Variants in SCYL2 observed in about 807,000 individuals in gnomAD.
The protein encoded by SCYL2 is SCY1-like protein 2.
In SCYL2, 36 loss-of-function variants were observed where a neutral mutation model predicts 100.4. That is an observed-to-expected ratio of 0.36 (90% CI 0.27 to 0.47). The LOEUF (loss-of-function observed/expected upper bound fraction) is 0.47. SCYL2 is among the 20% of genes least tolerant of loss of function. SCYL2 has a pLI of 1.00. For synonymous variants in SCYL2, 330 were observed against 359.2 expected, an observed-to-expected ratio of 0.92 and a Z score of 0.92; for missense variants, 902 against 1,083.9, an observed-to-expected ratio of 0.83 and a Z score of 2.36.
chr12:100,267,290 A>G lies in SCYL2; in HGVS notation c.-531A>G. 1.9e-6 allele frequency: 1 copy of G among 537,682 alleles called. No individual in the cohort carries two copies. Among genetic ancestry groups the G allele is most frequent in the Non-Finnish European group, 3.3e-6 (1 of 306,736 alleles). The allele number at this position is 537,682 out of a possible 1,614,324, so 33.3% of individuals were successfully genotyped here. A position where few individuals can be genotyped will look rare whatever the true frequency, so the allele number is the denominator to read the frequency against. On this transcript the variant is annotated 5_prime_UTR_variant, in exon 1 of 18. Coordinates refer to ENST00000360820, the MANE Select transcript of SCYL2 (RefSeq NM_017988.6). The stretch of plus-strand genomic sequence containing the variant: ...GCGGCGGAGGATATGGAGTAAAGCC[A>G]GAGTCAGTGGCCAGGCACGAAGGCA...
intron 11 of SCYL2, 190 bp downstream of exon 11, chr12:100,323,828 A>G (rs1450562123): frequency 2.7e-6 from 1 of 369,950 alleles, no homozygotes; most frequent in Non-Finnish European, 4.8e-6. Context: ...TGCATTCCTA[A>G]CCTTACTTGC....
intron 1 of SCYL2, among the ~76,000 whole-genome samples, chr12:100,278,353 C>A (rs1254641270): frequency 6.6e-6 from 1 of 152,014 alleles, no homozygotes; most frequent in Non-Finnish European, 1.5e-5. Context: ...TCAGATGACA[C>A]CATACCTGGA....
intron 1 of SCYL2, among the ~76,000 whole-genome samples, chr12:100,280,790 A>C (rs1394047050): frequency 6.6e-6 from 1 of 152,082 alleles, no homozygotes; most frequent in Non-Finnish European, 1.5e-5. Flanking sequence ...TAATGTAAGC[A>C]TCCAACATCT....
At chr12:100,271,402 A>T (rs2096287559) in intron 1 of SCYL2, among the ~76,000 whole-genome samples, 1 of 152,088 alleles carries the variant, frequency 6.6e-6, no homozygotes, top group African/African-American at 2.4e-5. Context: ...ACCGTATTTC[A>T]TGTCTTCTGA....
chr12:100,270,566 G>A (rs950502379), intron 1 of SCYL2, among the ~76,000 whole-genome samples: 1 of 147,016 alleles, frequency 6.8e-6, no homozygotes, highest in Non-Finnish European at 1.5e-5. Flanking sequence ...CTTACTTATT[G>A]TTTAAATTAC....
Position 100,295,909 on chromosome 12 carries a change from G to A in SCYL2, c.336-2122G>A, listed in dbSNP as rs376020240. On this transcript the variant is annotated intron_variant, in intron 3 of 17. Transcript: ENST00000360820. ...TAGGCTGGGCTGTGAGCTCCATGGA[G>A]CAGATGCCGGGCCATCCTGCCCTGG... 2.0e-4 allele frequency among the ~76,000 whole-genome samples: 31 copies of A among 152,314 alleles called. No homozygotes were observed. In the East Asian group the frequency reaches 5.2e-3, roughly 26 times the overall value.
At chr12:100,330,362 C>T (rs1032075647) in intron 13 of SCYL2, among the ~76,000 whole-genome samples, 27 of 152,286 alleles carry the variant, frequency 1.8e-4, no homozygotes, top group African/African-American at 3.8e-4. Context: ...ATACCTCTAT[C>T]GCTGTTTGTC....
chr12:100,323,235 T>C (rs1211169809), intron 10 of SCYL2, among the ~76,000 whole-genome samples: 1 of 152,174 alleles, frequency 6.6e-6, no homozygotes, highest in African/African-American at 2.4e-5. Flanking sequence ...ACTTGTGTTA[T>C]CAAAGAAAGA....
intron 3 of SCYL2, among the ~76,000 whole-genome samples, chr12:100,295,189 A>C (rs1190201204): frequency 9.8e-4 from 134 of 136,496 alleles, no homozygotes; most frequent in Non-Finnish European, 1.7e-3. Flanking sequence ...TGGCGGCCGG[A>C]CGGAGACGCT....
chr12:100,315,691 T>G lies in SCYL2; in HGVS notation c.1229T>G (p.Leu410Arg), dbSNP rs1245678082. 1.9e-5 allele frequency: 31 copies of G among 1,611,736 alleles called. No individual in the cohort carries two copies. Among genetic ancestry groups the G allele is most frequent in the Non-Finnish European group, 1.6e-5 (19 of 1,178,832 alleles). ...CTKEEYVKLI[L>R]PELGPVFKQQ... Reference sequence around the variant, plus strand: ...AAAGAAGAATATGTCAAATTAATTCTTCCTGAACTTGGCCCTGTGTTTAAG... The same window carrying G: ...AAAGAAGAATATGTCAAATTAATTCGTCCTGAACTTGGCCCTGTGTTTAAG... Residue 410 changes from leucine to arginine, a missense_variant, in exon 9 of 18, where the codon CTT becomes CGT. By Grantham distance (102) the Leu-to-Arg change is moderately radical. Transcript: ENST00000360820.
Position 100,325,654 on chromosome 12 carries a change from TA to T in SCYL2, c.1510-964del, listed in dbSNP as rs576239385. 2.8e-3 allele frequency among the ~76,000 whole-genome samples: 424 copies of T among 152,280 alleles called. 2 individuals carry two copies. The highest frequency in any genetic ancestry group is 3.4e-3 in the Non-Finnish European group (233 of 68,012). Reference sequence around the variant, plus strand: ...TTTAAAAATTCTACACAGAGTTAGGTAAAATCCTCCAAGAGCTATATTTATT... The same window carrying T: ...TTTAAAAATTCTACACAGAGTTAGGTAAATCCTCCAAGAGCTATATTTATT... On this transcript the variant is annotated intron_variant, in intron 11 of 17. Coordinates refer to ENST00000360820, the MANE Select transcript of SCYL2 (RefSeq NM_017988.6).
At chr12:100,310,094 G>A (rs1211359720) in intron 4 of SCYL2, among the ~76,000 whole-genome samples, 1 of 151,992 alleles carries the variant, frequency 6.6e-6, no homozygotes, top group African/African-American at 2.4e-5. Context: ...CACTTCCCAG[G>A]TTCAAGTGAT....
intron 1 of SCYL2, among the ~76,000 whole-genome samples, chr12:100,274,722 C>T (rs905233186): frequency 6.6e-6 from 1 of 152,082 alleles, no homozygotes; most frequent in Non-Finnish European, 1.5e-5. Context: ...AAATTGTGAA[C>T]AAAGAAGTGG....
Position 100,337,498 on chromosome 12 carries a change from G to A in SCYL2, c.2137G>A (p.Val713Ile). Residue 713 changes from valine (V) to isoleucine (I), a missense_variant, in exon 17 of 18, where the codon GTT (valine) becomes ATT (isoleucine). Coordinates refer to ENST00000360820, the MANE Select transcript of SCYL2 (RefSeq NM_017988.6). Reference protein sequence around the residue: ...KPQVHTPVATVKQTKDLTDTL... With the variant: ...KPQVHTPVATIKQTKDLTDTL... ...CCAAGTGCACACACCTGTTGCTACT[G>A]TTAAACAGGTCAGAGTTCATTTCTT... 6.2e-7 allele frequency: 1 copy of A among 1,613,488 alleles called. No individual in the cohort carries two copies. The highest frequency in any genetic ancestry group is 2.2e-5 in the East Asian group (1 of 44,852).
At chr12:100,268,151 G>T (rs1330320409) in intron 1 of SCYL2, among the ~76,000 whole-genome samples, 1 of 152,188 alleles carries the variant, frequency 6.6e-6, no homozygotes, top group Non-Finnish European at 1.5e-5. Context: ...AAAGCGCTAT[G>T]CCTGTAGTGA....
intron 2 of SCYL2, among the ~76,000 whole-genome samples, chr12:100,289,784 T>G (rs546548480): frequency 6.6e-6 from 1 of 152,324 alleles, no homozygotes; most frequent in African/African-American, 2.4e-5. Context: ...ACTGTTATAT[T>G]CTTATGCTGC....
At chr12:100,293,730 CTTAACGAGCATGCTG>C (rs2096313394) in intron 3 of SCYL2, among the ~76,000 whole-genome samples, 1 of 152,016 alleles carries the variant, frequency 6.6e-6, no homozygotes, top group African/African-American at 2.4e-5. Flanking sequence ...GGTGACGACT[CTTAACGAGCATGCTG>C]CCTTCAAGCA....
intron 1 of SCYL2, among the ~76,000 whole-genome samples, chr12:100,271,905 T>C (rs2096288056): frequency 6.6e-6 from 1 of 152,222 alleles, no homozygotes; most frequent in African/African-American, 2.4e-5. Context: ...ACCTGTTACA[T>C]TTCTTGCTGT....
chr12:100,295,710 C>T (rs979487812), intron 3 of SCYL2, among the ~76,000 whole-genome samples: 50 of 151,664 alleles, frequency 3.3e-4, no homozygotes, highest in African/African-American at 1.1e-3. Flanking sequence ...AGAGGGAGAC[C>T]GTGGGGAGAC....
Sources: allele counts gnomAD v4.1 joint callset (sites outside exome capture counted in the v4.1 genomes callset), GRCh38; gene constraint gnomAD v4.1.1; transcripts MANE v1.5; gene names NCBI Gene and HGNC (gene_info 2026-07-23, HGNC 2026-07-21).